Variants in DNAH11 observed in about 807,000 individuals in gnomAD.
DNAH11 encodes the protein dynein axonemal heavy chain 11.
Under a neutral mutation model 526.0 loss-of-function variants are expected in DNAH11, and 442 were observed. The observed-to-expected ratio is 0.84, with a 90% CI of 0.78 to 0.91. DNAH11 has a LOEUF of 0.91. Ranked by LOEUF, DNAH11 falls within the 40% of genes least tolerant of loss-of-function variation. The probability of loss-of-function intolerance (pLI) is 0.00; values close to 1 mark genes in which losing one functional copy is unlikely to be tolerated. For missense variants in DNAH11, 6,989 were observed against 5,448.7 expected (o/e 1.28, Z -8.90); for synonymous variants, 2,461 against 1,935.9 (o/e 1.27, Z -7.12).
At chr7:21,566,898 G>C (rs567980878) in intron 6 of DNAH11, among the ~76,000 whole-genome samples, 1 of 151,954 alleles carries the variant, frequency 6.6e-6, no homozygotes, top group Non-Finnish European at 1.5e-5. Context: ...ATACAATTTT[G>C]TACTAACTTC....
intron 62 of DNAH11, among the ~76,000 whole-genome samples, chr7:21,801,888 T>G (rs1266926083): frequency 6.6e-6 from 1 of 152,234 alleles, no homozygotes; most frequent in Non-Finnish European, 1.5e-5. Context: ...TAGATAAAGG[T>G]TTTTTATAAT....
intron 47 of DNAH11, 98 bp downstream of exon 47, chr7:21,738,964 G>T: frequency 8.9e-7 from 1 of 1,124,152 alleles, no homozygotes; most frequent in Non-Finnish European, 1.2e-6. Flanking sequence ...AATTATTATG[G>T]ATGAATTATT....
In DNAH11 at chr7:21,738,613, G is replaced by T; in HGVS notation, c.7646-88G>T. 4 of 1,354,462 alleles carry T rather than the reference G, an allele frequency of 3.0e-6. No individual in the cohort carries two copies. The South Asian group carries it at 4.2e-5, about 14-fold the overall frequency. The allele number at this position is 1,354,462 out of a possible 1,614,324, so 83.9% of individuals were successfully genotyped here. A position where few individuals can be genotyped will look rare whatever the true frequency, so the allele number is the denominator to read the frequency against. On this transcript the variant is annotated intron_variant, in intron 46 of 81. Transcript: ENST00000409508. ...CTGAAACCACAGGGTGGATGAAATCGACAGAAGAAGTTAAGAACAAGAGAA... is the reference window on the plus strand; with the variant it reads ...CTGAAACCACAGGGTGGATGAAATCTACAGAAGAAGTTAAGAACAAGAGAA...
At chr7:21,609,931 T>C (rs913337839) in intron 20 of DNAH11, among the ~76,000 whole-genome samples, 4 of 151,830 alleles carry the variant, frequency 2.6e-5, no homozygotes, top group African/African-American at 9.7e-5. Flanking sequence ...TCACTGTGGG[T>C]CTTCACTAAT....
At chr7:21,892,863 C>A (rs1405201792) in intron 77 of DNAH11, among the ~76,000 whole-genome samples, 196 bp downstream of exon 77, 1 of 152,112 alleles carries the variant, frequency 6.6e-6, no homozygotes, top group Admixed American at 6.5e-5. Flanking sequence ...CCCCTCACCT[C>A]CCCCAGAGAT....
chr7:21,653,181 T>C lies in DNAH11; in HGVS notation c.4945-2651T>C, dbSNP rs372571435. ...ATGAGCCACTGCACCCAGCCTAATC[T>C]ATTCTTTTTAGTTGTAAAATGAAAG... On this transcript the variant is annotated intron_variant, in intron 28 of 81. Coordinates refer to ENST00000409508, the MANE Select transcript of DNAH11 (RefSeq NM_001277115.2). Among the ~76,000 whole-genome samples, 15 of 152,286 alleles carry C rather than the reference T, an allele frequency of 9.8e-5. No individual in the cohort carries two copies. In the South Asian group the frequency reaches 3.1e-3, roughly 32 times the overall value.
chr7:21,559,547 T>C (rs1783364760), intron 3 of DNAH11, 56 bp from the exon 4 acceptor site: 3 of 1,361,664 alleles, frequency 2.2e-6, no homozygotes, highest in South Asian at 2.8e-5. Flanking sequence ...TTAAAGTCTA[T>C]GTCTTTGGAT....
At chr7:21,811,806 T>C (rs138026799) in intron 63 of DNAH11, among the ~76,000 whole-genome samples, 1 of 152,176 alleles carries the variant, frequency 6.6e-6, no homozygotes, top group East Asian at 1.9e-4. Context: ...GTAAGTGTTA[T>C]GTTTAAAGAT....
intron 30 of DNAH11, among the ~76,000 whole-genome samples, chr7:21,672,508 A>G (rs1025047433): frequency 1.3e-5 from 2 of 152,174 alleles, no homozygotes; most frequent in Admixed American, 6.5e-5. Context: ...GCTGGTCTCA[A>G]ACTCCTGGCC....
At chr7:21,900,178 T>G in intron 81 of DNAH11, 58 bp downstream of exon 81, 1 of 1,527,638 alleles carries the variant, frequency 6.5e-7, no homozygotes, top group Admixed American at 2.0e-5. Flanking sequence ...CAGATCAGTG[T>G]TTGTCCTCTG....
Position 21,814,663 on chromosome 7 carries a change from C to G in DNAH11, c.10333-1804C>G, listed in dbSNP as rs567437241. 1.5e-3 allele frequency among the ~76,000 whole-genome samples: 232 copies of G among 151,996 alleles called. 2 individuals carry two copies. Among genetic ancestry groups the G allele is most frequent in the African/African-American group, 4.7e-3 (195 of 41,454 alleles). Reference sequence around the variant, plus strand: ...TTTTTAAAATAATGTAATTGTACTACAGCATTATGATGGCTACAGTGTCAC... The same window carrying G: ...TTTTTAAAATAATGTAATTGTACTAGAGCATTATGATGGCTACAGTGTCAC... On this transcript the variant is annotated intron_variant, in intron 63 of 81. Coordinates refer to ENST00000409508, the MANE Select transcript of DNAH11 (RefSeq NM_001277115.2).
chr7:21,865,655 A>G (rs1783246713), intron 70 of DNAH11, among the ~76,000 whole-genome samples: 1 of 152,186 alleles, frequency 6.6e-6, no homozygotes. Flanking sequence ...GCTGGGGTAG[A>G]AATGTTTCCA....
intron 28 of DNAH11, among the ~76,000 whole-genome samples, chr7:21,647,790 T>G (rs1009833963): frequency 1.3e-5 from 2 of 152,114 alleles, no homozygotes; most frequent in Non-Finnish European, 2.9e-5. Flanking sequence ...ACTCTAAAAT[T>G]TTATACCCAG....
At position 21,636,126 on chromosome 7, in the gene DNAH11, A is replaced by C. The variant is rs370993542; in HGVS notation, c.4725+31A>C. The stretch of plus-strand genomic sequence containing the variant: ...TCAAAGACAGGCTGTATGCTATTCT[A>C]GCAAAGTTTTGTAAAGTAACATGGT... On this transcript the variant is annotated intron_variant, in intron 26 of 81. Coordinates refer to ENST00000409508, the MANE Select transcript of DNAH11 (RefSeq NM_001277115.2). 5 of 1,540,538 alleles carry C rather than the reference A, an allele frequency of 3.2e-6. No individual in the cohort carries two copies. The East Asian group carries it at 1.1e-4, about 35-fold the overall frequency.
At chr7:21,898,263 T>A (rs1273496550) in intron 79 of DNAH11, among the ~76,000 whole-genome samples, 5 of 152,214 alleles carry the variant, frequency 3.3e-5, no homozygotes, top group African/African-American at 1.2e-4. Context: ...CTTCTTCTTA[T>A]CGTCGAGTAT....
rs758744109 is a variant in DNAH11, at chr7:21,620,014, A to C, written c.4436A>C (p.Tyr1479Ser). 4 of 1,610,270 alleles carry C rather than the reference A, an allele frequency of 2.5e-6. No individual in the cohort carries two copies. Among genetic ancestry groups the C allele is most frequent in the Non-Finnish European group, 2.5e-6 (3 of 1,178,664 alleles). ...ATMKFSYEVHYRTGIPLLKSD... is the reference protein window; with the variant it reads ...ATMKFSYEVHSRTGIPLLKSD... ...ATGAAGTTTTCTTACGAAGTTCACT[A>C]TCGAACAGGCATTCCATTACTAAAG... Residue 1479 changes from tyrosine to serine, a missense_variant, in exon 25 of 82, where the codon TAT becomes TCT. Tyr to Ser is a moderately radical substitution (Grantham distance 144). Transcript: ENST00000409508.
At chr7:21,682,414 T>C (rs576047341) in intron 31 of DNAH11, among the ~76,000 whole-genome samples, 1 of 150,728 alleles carries the variant, frequency 6.6e-6, no homozygotes, top group African/African-American at 2.4e-5. Context: ...TAGTCCCAGC[T>C]ACTTGGGAGG....
chr7:21,598,954 A>G (rs1295537501), intron 14 of DNAH11, among the ~76,000 whole-genome samples: 1 of 152,194 alleles, frequency 6.6e-6, no homozygotes, highest in Non-Finnish European at 1.5e-5. Context: ...TTCCATGTAT[A>G]CACGTACCAC....
At chr7:21,804,760 C>A (rs1409691654) in intron 62 of DNAH11, among the ~76,000 whole-genome samples, 2 of 152,144 alleles carry the variant, frequency 1.3e-5, no homozygotes, top group Non-Finnish European at 2.9e-5. Context: ...CAGGCCCCAC[C>A]ATTACCTCCT....
Sources: gnomAD v4.1 joint callset for allele counts (sites outside exome capture counted in the v4.1 genomes callset) on GRCh38, gnomAD v4.1.1 for gene constraint, MANE v1.5 for transcripts, NCBI Gene and HGNC (gene_info 2026-07-23, HGNC 2026-07-21) for gene names.